TENM3: variants seen among roughly 807,000 people sequenced by gnomAD.
TENM3 encodes teneurin transmembrane protein 3, also known as teneurin-3.
TENM3 carries 63 observed loss-of-function variants against 255.1 expected under a neutral mutation model. The observed-to-expected ratio is 0.25, with a 90% CI of 0.20 to 0.30. The LOEUF is 0.30. TENM3 is among the 10% of genes least tolerant of loss of function. The pLI, the probability that TENM3 is intolerant of heterozygous loss-of-function variation, is 1.00. For synonymous variants in TENM3, 1,306 were observed against 1,322.3 expected, an observed-to-expected ratio of 0.99 and a Z score of 0.27; for missense variants, 2,929 against 3,461.1, an observed-to-expected ratio of 0.85 and a Z score of 3.86.
intron 3 of TENM3, among the ~76,000 whole-genome samples, chr4:182,367,207 T>G (rs10000076): frequency 0.96 from 146,124 of 152,268 alleles, 70,221 homozygotes; most frequent in Non-Finnish European, 0.99. Context: ...TACGTACTTA[T>G]AGTTGGAACC....
chr4:181,447,739 T>A, the TENM3 span, among the ~76,000 whole-genome samples: 1 of 152,008 alleles, frequency 6.6e-6, no homozygotes, highest in Non-Finnish European at 1.5e-5. Context: ...TACCCTGGAG[T>A]TCCGGAGCGG....
intron 24 of TENM3, among the ~76,000 whole-genome samples, chr4:182,778,914 A>ATGTG (rs950643249): frequency 6.7e-6 from 1 of 148,242 alleles, no homozygotes; most frequent in Non-Finnish European, 1.5e-5. Flanking sequence ...GTGTGTGTGT[A>ATGTG]TGTGTGTGTG....
chr4:182,218,179 C>T (rs2149941780), intron 1 of TENM3, among the ~76,000 whole-genome samples: 1 of 152,260 alleles, frequency 6.6e-6, no homozygotes, highest in Non-Finnish European at 1.5e-5. Context: ...ATACCTGACC[C>T]CGGAGTCCAT....
the TENM3 span, among the ~76,000 whole-genome samples, chr4:182,005,527 G>C: frequency 6.6e-6 from 1 of 152,030 alleles, no homozygotes; most frequent in Non-Finnish European, 1.5e-5. Context: ...TTCTCTTTTT[G>C]CTTAGGATTG....
chr4:182,076,853 A>G, the TENM3 span, among the ~76,000 whole-genome samples: 2 of 152,190 alleles, frequency 1.3e-5, no homozygotes, highest in East Asian at 3.9e-4. Context: ...ATGTTCCCAT[A>G]CAGCGCTTTA....
chr4:182,569,324 G>C (rs568094940), intron 3 of TENM3, among the ~76,000 whole-genome samples: 174 of 152,258 alleles, frequency 1.1e-3, no homozygotes, highest in African/African-American at 4.1e-3. Flanking sequence ...GGAAGCCGAG[G>C]CAGGCAGATC....
intron 1 of TENM3, among the ~76,000 whole-genome samples, chr4:182,286,459 G>T (rs1760733144): frequency 6.6e-6 from 1 of 152,128 alleles, no homozygotes; most frequent in East Asian, 1.9e-4. Context: ...TCACTTGAGA[G>T]GGAGAAAGTT....
chr4:181,908,759 A>C, the TENM3 span, among the ~76,000 whole-genome samples: 1 of 152,162 alleles, frequency 6.6e-6, no homozygotes, highest in African/African-American at 2.4e-5. Flanking sequence ...GTTTGGAGTA[A>C]AAGATAGTGT....
chr4:181,685,558 T>G, the TENM3 span, among the ~76,000 whole-genome samples: 1 of 152,158 alleles, frequency 6.6e-6, no homozygotes, highest in African/African-American at 2.4e-5. Context: ...AAGTAATACC[T>G]CAACAAGATG....
At chr4:181,772,905 T>C in the TENM3 span, among the ~76,000 whole-genome samples, 2 of 152,146 alleles carry the variant, frequency 1.3e-5, no homozygotes, top group Admixed American at 6.6e-5. Context: ...GCCCTGCAAT[T>C]TTTCTTACAA....
intron 3 of TENM3, among the ~76,000 whole-genome samples, chr4:182,389,597 T>C (rs553454396): frequency 6.6e-6 from 1 of 152,272 alleles, no homozygotes; most frequent in East Asian, 1.9e-4. Flanking sequence ...TGTTTAACTA[T>C]GCACCATATC....
At chr4:181,919,054 A>G in the TENM3 span, among the ~76,000 whole-genome samples, 1 of 152,184 alleles carries the variant, frequency 6.6e-6, no homozygotes, top group African/African-American at 2.4e-5. Context: ...AAACCACCTC[A>G]AAGGTATGAA....
At chr4:181,522,474 A>T in the TENM3 span, among the ~76,000 whole-genome samples, 1 of 152,208 alleles carries the variant, frequency 6.6e-6, no homozygotes, top group African/African-American at 2.4e-5. Context: ...GCTTTTAGAA[A>T]TGGTGATTAT....
At chr4:181,499,102 T>C in the TENM3 span, among the ~76,000 whole-genome samples, 2 of 152,172 alleles carry the variant, frequency 1.3e-5, no homozygotes, top group African/African-American at 4.8e-5. Flanking sequence ...TTCCCAATAA[T>C]AGATAATGAC....
chr4:181,931,250 G>T, the TENM3 span, among the ~76,000 whole-genome samples: 5 of 152,148 alleles, frequency 3.3e-5, no homozygotes, highest in Admixed American at 6.5e-5. Flanking sequence ...TGACATAATT[G>T]TATATTTGGA....
chr4:181,985,862 C>T, the TENM3 span, among the ~76,000 whole-genome samples: 1 of 152,080 alleles, frequency 6.6e-6, no homozygotes, highest in African/African-American at 2.4e-5. Context: ...TTTGTCACGG[C>T]ACTTCTAGTT....
chr4:181,478,459 G>A, the TENM3 span, among the ~76,000 whole-genome samples: 146,915 of 152,286 alleles, frequency 0.96, 70,956 homozygotes, highest in Non-Finnish European at 0.99. Flanking sequence ...GCAACATGCC[G>A]TGTTGGCCAA....
At chr4:181,892,293 G>T in the TENM3 span, among the ~76,000 whole-genome samples, 1 of 151,998 alleles carries the variant, frequency 6.6e-6, no homozygotes, top group Admixed American at 6.6e-5. Flanking sequence ...TATATGCTTC[G>T]CAAAGTTTCT....
chr4:181,530,181 A>T, the TENM3 span, among the ~76,000 whole-genome samples: 1 of 152,226 alleles, frequency 6.6e-6, no homozygotes, highest in African/African-American at 2.4e-5. Flanking sequence ...AGTGATCATA[A>T]AAAAACATGC....
Sources: allele counts gnomAD v4.1 joint callset (sites outside exome capture counted in the v4.1 genomes callset), GRCh38; gene constraint gnomAD v4.1.1; transcripts MANE v1.5; gene names NCBI Gene and HGNC (gene_info 2026-07-23, HGNC 2026-07-21).